SH3GL1: variants seen among roughly 807,000 people sequenced by gnomAD.
The protein encoded by SH3GL1 is endophilin-A2.
SH3GL1 carries 21 observed loss-of-function variants against 48.8 expected under a neutral mutation model. The observed-to-expected ratio is 0.43, with a 90% confidence interval of 0.30 to 0.62. The LOEUF is 0.62. Among genes scored for constraint, SH3GL1 ranks in the 20% least tolerant of loss-of-function variants. The pLI, the probability that SH3GL1 is intolerant of heterozygous loss-of-function variation, is 0.11. For missense variants in SH3GL1, 454 were observed against 503.0 expected (o/e 0.90, Z 0.93); for synonymous variants, 282 against 217.5 (o/e 1.30, Z -2.61).
chr19:4,382,941 CAG>C (rs1973165312), intron 1 of SH3GL1, among the ~76,000 whole-genome samples: 1 of 152,118 alleles, frequency 6.6e-6, no homozygotes, highest in Non-Finnish European at 1.5e-5. Context: ...CTTTTTGAGA[CAG>C]AGTCTCACTC....
intron 1 of SH3GL1, among the ~76,000 whole-genome samples, chr19:4,395,360 G>A (rs1390756906): frequency 1.3e-5 from 2 of 152,102 alleles, no homozygotes; most frequent in Non-Finnish European, 2.9e-5. Context: ...CAGTGAAAGT[G>A]TTTCCTCTCA....
chr19:4,396,395 G>A (rs934540473), intron 1 of SH3GL1, among the ~76,000 whole-genome samples: 11 of 152,210 alleles, frequency 7.2e-5, no homozygotes, highest in African/African-American at 1.4e-4. Flanking sequence ...GAGAAGCTCC[G>A]TCTCAAAAAC....
chr19:4,369,400 C>T (rs1972850944), intron 1 of SH3GL1, among the ~76,000 whole-genome samples: 1 of 152,254 alleles, frequency 6.6e-6, no homozygotes, highest in African/African-American at 2.4e-5. Flanking sequence ...AGCCAGCGGG[C>T]TGCGAAACCA....
chr19:4,382,473 G>A (rs1973155461), intron 1 of SH3GL1, among the ~76,000 whole-genome samples: 2 of 151,902 alleles, frequency 1.3e-5, no homozygotes, highest in East Asian at 3.9e-4. Context: ...TAGCCAGGAT[G>A]GTCTCGATCT....
At chr19:4,381,457 G>C in intron 1 of SH3GL1, among the ~76,000 whole-genome samples, 1 of 84,500 alleles carries the variant, frequency 1.2e-5, no homozygotes, top group Non-Finnish European at 2.2e-5. Flanking sequence ...CCCTACCTCT[G>C]TCTCCCATCT....
At chr19:4,378,241 G>C (rs540560896) in intron 1 of SH3GL1, among the ~76,000 whole-genome samples, 1 of 152,262 alleles carries the variant, frequency 6.6e-6, no homozygotes, top group East Asian at 1.9e-4. Context: ...CAGAGCAAAG[G>C]TGTGCCGTAA....
chr19:4,366,446 T>C, intron 3 of SH3GL1, 55 bp downstream of exon 3: 1 of 1,427,146 alleles, frequency 7.0e-7, no homozygotes, highest in South Asian at 1.2e-5. Flanking sequence ...GCCTTCCCTC[T>C]GACACAGAGG....
chr19:4,377,226 G>C (rs985798487), intron 1 of SH3GL1, among the ~76,000 whole-genome samples: 9 of 152,248 alleles, frequency 5.9e-5, no homozygotes, highest in African/African-American at 1.9e-4. Flanking sequence ...GGATGCCCGG[G>C]AACAGTGACA....
intron 1 of SH3GL1, among the ~76,000 whole-genome samples, chr19:4,383,610 C>T (rs1366592831): frequency 3.3e-5 from 5 of 152,154 alleles, no homozygotes. Context: ...ATCACTCCTG[C>T]CTGAGAGAAC....
Position 4,400,002 on chromosome 19 carries a change from A to C in SH3GL1, c.45+322T>G. 6.6e-6 allele frequency among the ~76,000 whole-genome samples: 1 copy of C among 151,336 alleles called. No homozygotes were observed. The stretch of plus-strand genomic sequence containing the variant: ...AGAGTCCTGTGTCGACAGCCTCGGG[A>C]CTCCTCTCTTCCCCTTCTCTCCCCG... On this transcript the variant is annotated intron_variant, in intron 1 of 9. Coordinates refer to ENST00000269886, the MANE Select transcript of SH3GL1 (RefSeq NM_003025.4). This position sits in a 1 kb window ranked among gnomAD's most constrained non-coding sequence, Gnocchi z 4.1.
rs750455250 is a variant in SH3GL1, at chr19:4,362,629, G to A, written c.836C>T (p.Thr279Ile). 5.0e-6 allele frequency: 8 copies of A among 1,613,806 alleles called. No homozygotes were observed. Among genetic ancestry groups the A allele is most frequent in the South Asian group, 1.1e-5 (1 of 91,078 alleles). Residue 279 changes from threonine to isoleucine, a missense_variant, in exon 8 of 10, where the codon ACA (threonine) becomes ATA (isoleucine). Thr to Ile is a moderately conservative substitution (Grantham distance 89). Around this residue, in one of 2 missense-constraint regions of SH3GL1, gnomAD observed 278 missense variants for 246.8 expected, o/e 1.13. Transcript: ENST00000269886. ...CCCATTACCTGCGATCTTGGGGGCT[G>A]TGGTGCAGGGGAAGCCCCCGTTGGA... ...EQSNGGFPCT[T>I]APKIAASSSF...
chr19:4,366,278 T>C (rs1972776819), intron 3 of SH3GL1, among the ~76,000 whole-genome samples: 1 of 152,098 alleles, frequency 6.6e-6, no homozygotes, highest in Non-Finnish European at 1.5e-5. Flanking sequence ...GGGACGGCCC[T>C]GAGGAACCAG....
At chr19:4,363,988 C>T in intron 5 of SH3GL1, 100 bp downstream of exon 5, 2 of 1,603,924 alleles carry the variant, frequency 1.2e-6, no homozygotes, top group African/African-American at 2.7e-5. Flanking sequence ...GCCTGAGACC[C>T]AGAGGGCAGT....
At chr19:4,392,567 C>A (rs963665333) in intron 1 of SH3GL1, among the ~76,000 whole-genome samples, 26 of 127,090 alleles carry the variant, frequency 2.0e-4, no homozygotes, top group African/African-American at 7.4e-4. Context: ...CACACACACA[C>A]ACAAAAGATC....
intron 4 of SH3GL1, among the ~76,000 whole-genome samples, chr19:4,364,884 GTGTGTGTGTGTGTGTATATATA>G: frequency 1.1e-5 from 1 of 87,218 alleles, no homozygotes; most frequent in African/African-American, 4.6e-5. Flanking sequence ...GTGTGTGTGT[GTGTGTGTGTGTGTGTATATATA>G]TATATATATA....
intron 1 of SH3GL1, among the ~76,000 whole-genome samples, chr19:4,372,905 C>T (rs916502161): frequency 6.6e-6 from 1 of 152,190 alleles, no homozygotes; most frequent in East Asian, 1.9e-4. Flanking sequence ...AGACCTGAGG[C>T]CCTTGCGTGC....
chr19:4,364,129 G>T lies in SH3GL1; in HGVS notation c.424C>A (p.Pro142Thr), dbSNP rs568609310. ...DIEVKQNFID[P>T]LQNLCEKDLK... ...TCTTTCTCGCACAGGTTCTGGAGGG[G>T]GTCAATGAAGTTCTGCTTGACCTCG... is the stretch of plus-strand genomic sequence containing the variant. Residue 142 changes from proline to threonine, a missense_variant, in exon 5 of 10, where the codon CCC becomes ACC. By Grantham distance (38) the Pro-to-Thr change is conservative. Coordinates refer to ENST00000269886, the MANE Select transcript of SH3GL1 (RefSeq NM_003025.4). 1 of 1,613,766 alleles carries T rather than the reference G, an allele frequency of 6.2e-7. No homozygotes were observed. The highest frequency in any genetic ancestry group is 8.5e-7 in the Non-Finnish European group (1 of 1,180,006).
Position 4,360,373 on chromosome 19 carries a change from AG to A in SH3GL1, c.*1226del. ...GCACCAAGACGAGGCAAGGGGCTGT[AG>A]AAAGAGACATTTAATACTTCTGTTT... On this transcript the variant is annotated 3_prime_UTR_variant, in exon 10 of 10. Transcript: ENST00000269886. 1 of 267,340 alleles carries A rather than the reference AG, an allele frequency of 3.7e-6. No individual in the cohort carries two copies. Among genetic ancestry groups the A allele is most frequent in the South Asian group, 9.8e-5 (1 of 10,172 alleles). 16.6% of individuals were successfully genotyped at this position (267,340 alleles called of 1,614,324 possible).
Position 4,364,115 on chromosome 19 carries a change from C to A in SH3GL1, c.438G>T (p.Leu146=), listed in dbSNP as rs1972705332. ...GGATCTCCTTCAGGTCTTTCTCGCA[C>A]AGGTTCTGGAGGGGGTCAATGAAGT... The part of the protein sequence containing the change: ...KQNFIDPLQN[L]CEKDLKEIQH... The change falls in exon 5 of 10, where the codon CTG becomes CTT. Residue 146 remains leucine (L), a synonymous_variant. Transcript: ENST00000269886. The A allele has an allele frequency of 1.2e-6, 2 of 1,613,404 alleles. No homozygotes were observed. The highest frequency in any genetic ancestry group is 3.3e-5 in the Admixed American group (2 of 59,996).
Sources: allele counts gnomAD v4.1 joint callset (sites outside exome capture counted in the v4.1 genomes callset), GRCh38; gene constraint gnomAD v4.1.1; regional missense constraint gnomAD v4.1.1; non-coding constraint Gnocchi (gnomAD v3.1); transcripts MANE v1.5; gene names NCBI Gene and HGNC (gene_info 2026-07-23, HGNC 2026-07-21).